TAFA5: variants seen among roughly 807,000 people sequenced by gnomAD.
TAFA5 encodes the protein TAFA chemokine like family member 5, also known as chemokine-like protein TAFA-5.
TAFA5 carries 6 observed loss-of-function variants against 15.3 expected under a neutral mutation model. The observed-to-expected ratio is 0.39, with a 90% CI of 0.21 to 0.77. The LOEUF (loss-of-function observed/expected upper bound fraction) is 0.77. Ranked by LOEUF, TAFA5 falls within the 30% of genes least tolerant of loss-of-function variation. The pLI, the probability that TAFA5 is intolerant of heterozygous loss-of-function variation, is 0.41. For missense variants in TAFA5, 161 were observed against 193.1 expected (o/e 0.83, Z 0.98); for synonymous variants, 103 against 80.7 (o/e 1.28, Z -1.48).
intron 2 of TAFA5, among the ~76,000 whole-genome samples, chr22:48,692,226 A>G (rs972877449): frequency 4.6e-5 from 7 of 152,022 alleles, no homozygotes; most frequent in Admixed American, 4.6e-4. Flanking sequence ...TCAGACAGTG[A>G]GACCCTCAGA....
chr22:48,505,805 C>T (rs1920988579), intron 1 of TAFA5, among the ~76,000 whole-genome samples: 1 of 152,254 alleles, frequency 6.6e-6, no homozygotes, highest in African/African-American at 2.4e-5. Context: ...AAAGCTGTTA[C>T]ACTCATGGTT....
chr22:48,599,841 A>G (rs1924898711), intron 1 of TAFA5, among the ~76,000 whole-genome samples: 1 of 152,034 alleles, frequency 6.6e-6, no homozygotes, highest in South Asian at 2.1e-4. Context: ...CTGGGCCTCT[A>G]CCTCCAGTTG....
rs556433218 is a variant in TAFA5 at position 48,517,988 on chromosome 22, C to T, written c.112+28284C>T. Among the ~76,000 whole-genome samples the T allele has an allele frequency of 3.3e-5, 5 of 152,308 alleles. No individual in the cohort carries two copies. The South Asian group carries it at 8.3e-4, about 25-fold the overall frequency. ...CTAATTAAGAAATAGCAGCAGGCTCCGGGGGCCCAGGCCCCACGTCCTCTC... is the reference window on the plus strand; with the variant it reads ...CTAATTAAGAAATAGCAGCAGGCTCTGGGGGCCCAGGCCCCACGTCCTCTC... On this transcript the variant is annotated intron_variant, in intron 1 of 3. Transcript: ENST00000402357.
chr22:48,526,141 C>A (rs922411410), intron 1 of TAFA5, among the ~76,000 whole-genome samples: 24 of 152,232 alleles, frequency 1.6e-4, no homozygotes, highest in African/African-American at 5.8e-4. Flanking sequence ...TGCCCATGGC[C>A]CTGCCCGGGT....
chr22:48,561,666 C>T (rs1037564472), intron 1 of TAFA5, among the ~76,000 whole-genome samples: 1 of 152,216 alleles, frequency 6.6e-6, no homozygotes, highest in African/African-American at 2.4e-5. Flanking sequence ...ACCCCCCAAC[C>T]CCACTGGAGA....
At chr22:48,683,897 C>G (rs889329966) in intron 2 of TAFA5, among the ~76,000 whole-genome samples, 18 of 152,174 alleles carry the variant, frequency 1.2e-4, no homozygotes, top group African/African-American at 4.3e-4. Flanking sequence ...GTTGCCGGCT[C>G]TCCCTCCTGC....
chr22:48,608,994 A>T (rs1214661280), intron 1 of TAFA5, among the ~76,000 whole-genome samples: 6 of 152,134 alleles, frequency 3.9e-5, no homozygotes, highest in African/African-American at 7.2e-5. Flanking sequence ...GCAGGTGCTT[A>T]TTCTTACACG....
chr22:48,597,354 C>G (rs529867362), intron 1 of TAFA5, among the ~76,000 whole-genome samples: 1 of 151,428 alleles, frequency 6.6e-6, no homozygotes, highest in African/African-American at 2.4e-5. Flanking sequence ...CACCTGCCAC[C>G]CTCTTCACCA....
intron 1 of TAFA5, among the ~76,000 whole-genome samples, chr22:48,635,306 CAGGGGCCTGGGGGCAGG>C (rs1282978094): frequency 6.6e-6 from 1 of 152,134 alleles, no homozygotes; most frequent in East Asian, 1.9e-4. Context: ...AAGCAGAGGC[CAGGGGCCTGGGGGCAGG>C]CAGCCCCTGA....
chr22:48,627,464 A>G (rs1234674486), intron 1 of TAFA5, among the ~76,000 whole-genome samples: 1 of 152,258 alleles, frequency 6.6e-6, no homozygotes, highest in Non-Finnish European at 1.5e-5. Flanking sequence ...GCGACAGCGC[A>G]CGCAAAGAGT....
chr22:48,730,434 A>C (rs1229301378), intron 3 of TAFA5, among the ~76,000 whole-genome samples: 1 of 152,172 alleles, frequency 6.6e-6, no homozygotes, highest in Admixed American at 6.5e-5. Context: ...GGTGGAGCCA[A>C]CATGAGCAAC....
At chr22:48,511,994 C>T (rs11090850) in intron 1 of TAFA5, among the ~76,000 whole-genome samples, 39,969 of 152,204 alleles carry the variant, frequency 0.26, 6,467 homozygotes, top group Middle Eastern at 0.4. Context: ...GTTGGAGCCC[C>T]ATGGCACAGA....
chr22:48,499,547 C>T (rs1920941828), intron 1 of TAFA5, among the ~76,000 whole-genome samples: 1 of 152,210 alleles, frequency 6.6e-6, no homozygotes, highest in African/African-American at 2.4e-5. Context: ...GACTCTGGTC[C>T]CTGGTTCCTG....
intron 1 of TAFA5, among the ~76,000 whole-genome samples, chr22:48,524,374 G>A (rs900105446): frequency 5.9e-5 from 9 of 152,206 alleles, no homozygotes; most frequent in African/African-American, 1.4e-4. Flanking sequence ...GGATGGAGAC[G>A]CCCTGCCCTG....
chr22:48,638,514 A>G, intron 1 of TAFA5, among the ~76,000 whole-genome samples: 1 of 130,470 alleles, frequency 7.7e-6, no homozygotes, highest in Non-Finnish European at 1.6e-5. Context: ...GACACCACAC[A>G]CAGGGGGGAC....
At chr22:48,576,479 C>G in intron 1 of TAFA5, 3 of 1,461,942 alleles carry the variant, frequency 2.1e-6, no homozygotes, top group East Asian at 2.8e-5. Flanking sequence ...TGGGACTCCG[C>G]GATGCAGCTC....
intron 1 of TAFA5, among the ~76,000 whole-genome samples, chr22:48,561,691 TG>T (rs1923236294): frequency 6.6e-6 from 1 of 152,172 alleles, no homozygotes. Flanking sequence ...CGATGCCCAT[TG>T]GGGGTCATGG....
At chr22:48,638,260 C>G (rs1926523992) in intron 1 of TAFA5, among the ~76,000 whole-genome samples, 1 of 151,550 alleles carries the variant, frequency 6.6e-6, no homozygotes, top group South Asian at 2.1e-4. Flanking sequence ...CCCTGGGTCA[C>G]CACACACAGG....
intron 2 of TAFA5, among the ~76,000 whole-genome samples, chr22:48,662,317 C>T (rs927647489): frequency 2.4e-4 from 37 of 151,940 alleles, no homozygotes; most frequent in Admixed American, 2.3e-3. Flanking sequence ...TCAAACCTGC[C>T]GGGAGCCTCG....
Sources: allele counts gnomAD v4.1 joint callset (sites outside exome capture counted in the v4.1 genomes callset), GRCh38; gene constraint gnomAD v4.1.1; transcripts MANE v1.5; gene names NCBI Gene and HGNC (gene_info 2026-07-23, HGNC 2026-07-21).